The following RERE variants were observed in gnomAD, a reference collection of about 807,000 sequenced individuals.
RERE encodes arginine-glutamic acid dipeptide repeats protein.
RERE carries 40 observed loss-of-function variants against 146.1 expected under a neutral mutation model. The ratio of observed to expected loss-of-function variants is 0.27; its 90% confidence interval spans 0.21 to 0.36. The LOEUF (loss-of-function observed/expected upper bound fraction) is 0.36. Ranked by LOEUF, RERE falls within the 10% of genes least tolerant of loss-of-function variation. RERE has a pLI of 1.00. For synonymous variants in RERE, 1,003 were observed against 866.0 expected, an observed-to-expected ratio of 1.16 and a Z score of -2.78; for missense variants, 1,933 against 2,138.7, an observed-to-expected ratio of 0.90 and a Z score of 1.90.
intron 8 of RERE, among the ~76,000 whole-genome samples, chr1:8,502,588 G>A (rs1304028536): frequency 6.7e-6 from 1 of 148,620 alleles, no homozygotes; most frequent in Non-Finnish European, 1.5e-5. Flanking sequence ...TGGGAGGTGT[G>A]CCCAGCGGCT....
At chr1:8,728,188 A>G (rs924611652) in intron 1 of RERE, among the ~76,000 whole-genome samples, 8 of 152,262 alleles carry the variant, frequency 5.3e-5, no homozygotes, top group African/African-American at 1.4e-4. Context: ...TGCAAAGCAC[A>G]AACACCAGTA....
chr1:8,370,169 CCCCA>C (rs966343076), intron 12 of RERE, among the ~76,000 whole-genome samples: 16 of 151,990 alleles, frequency 1.1e-4, no homozygotes, highest in Admixed American at 1.3e-4. Context: ...ATAATGGTAT[CCCCA>C]CATTCACTGG....
At chr1:8,409,999 T>TA (rs1491331068) in intron 12 of RERE, among the ~76,000 whole-genome samples, 2 of 116,684 alleles carry the variant, frequency 1.7e-5, no homozygotes, top group Non-Finnish European at 3.6e-5. Flanking sequence ...TTTTTTTTTT[T>TA]ACTAAATCCG....
At chr1:8,496,725 G>A (rs763355911) in intron 9 of RERE, among the ~76,000 whole-genome samples, 58 of 152,092 alleles carry the variant, frequency 3.8e-4, no homozygotes, top group Non-Finnish European at 6.2e-4. Flanking sequence ...TCTCTGCATC[G>A]AAGGCATTTG....
At chr1:8,743,123 C>T (rs1640344518) in intron 1 of RERE, among the ~76,000 whole-genome samples, 1 of 151,912 alleles carries the variant, frequency 6.6e-6, no homozygotes. Flanking sequence ...GAGCTGGGCA[C>T]AGTGGCTCAC....
At chr1:8,590,297 C>G (rs1025049559) in intron 4 of RERE, among the ~76,000 whole-genome samples, 1 of 152,022 alleles carries the variant, frequency 6.6e-6, no homozygotes, top group Non-Finnish European at 1.5e-5. Context: ...AGGTGCCATT[C>G]GAACACCTGA....
intron 1 of RERE, among the ~76,000 whole-genome samples, chr1:8,667,079 G>A (rs907061310): frequency 6.6e-6 from 1 of 152,178 alleles, no homozygotes; most frequent in East Asian, 1.9e-4. Context: ...AATGCTGATA[G>A]TAGCACTTCC....
Position 8,664,400 on chromosome 1 carries a change from G to A in RERE, c.-144-7959C>T, listed in dbSNP as rs530496509. On this transcript the variant is annotated intron_variant, in intron 1 of 22. Transcript: ENST00000400908. Reference sequence around the variant, plus strand: ...ACCTGGCCAATCTCATATATAATGCGTTCATCACCAATCAGATACCAGGAC... The same window carrying A: ...ACCTGGCCAATCTCATATATAATGCATTCATCACCAATCAGATACCAGGAC... Among the ~76,000 whole-genome samples, 141 of 152,070 alleles carry A rather than the reference G, an allele frequency of 9.3e-4. 1 individual carries two copies. The highest frequency in any genetic ancestry group is 1.9e-3 in the Admixed American group (29 of 15,274).
chr1:8,795,089 G>A (rs1641442536), intron 1 of RERE, among the ~76,000 whole-genome samples: 1 of 152,190 alleles, frequency 6.6e-6, no homozygotes, highest in African/African-American at 2.4e-5. Flanking sequence ...GTGCAGTGGT[G>A]CAATCTTGGC....
intron 1 of RERE, among the ~76,000 whole-genome samples, chr1:8,687,553 T>C (rs1639118012): frequency 6.6e-6 from 1 of 152,220 alleles, no homozygotes; most frequent in African/African-American, 2.4e-5. Flanking sequence ...TGACTCTGAC[T>C]TTCTACTATA....
chr1:8,601,727 T>C (rs1201394470), intron 4 of RERE, among the ~76,000 whole-genome samples: 1 of 118,736 alleles, frequency 8.4e-6, no homozygotes, highest in Admixed American at 9.4e-5. Context: ...TGCCATCATG[T>C]CCAAGGTCAA....
At chr1:8,462,499 T>G (rs1644539841) in intron 11 of RERE, among the ~76,000 whole-genome samples, 1 of 152,232 alleles carries the variant, frequency 6.6e-6, no homozygotes, top group Non-Finnish European at 1.5e-5. Flanking sequence ...GGGTCTGCAC[T>G]GGCATGAGAG....
At chr1:8,540,207 T>G (rs1292200593) in intron 7 of RERE, among the ~76,000 whole-genome samples, 1 of 152,178 alleles carries the variant, frequency 6.6e-6, no homozygotes, top group East Asian at 1.9e-4. Flanking sequence ...GCAATCCTCC[T>G]GCCTCAGCTT....
chr1:8,427,898 C>T (rs759345461), intron 11 of RERE, among the ~76,000 whole-genome samples: 1 of 152,140 alleles, frequency 6.6e-6, no homozygotes, highest in Admixed American at 6.5e-5. Flanking sequence ...ATAAATTCAT[C>T]GCTCTTCAAA....
At chr1:8,611,997 T>C (rs1646799012) in intron 4 of RERE, among the ~76,000 whole-genome samples, 1 of 152,204 alleles carries the variant, frequency 6.6e-6, no homozygotes, top group Non-Finnish European at 1.5e-5. Flanking sequence ...CAAGTAAAAA[T>C]GTTGCCTCTC....
At chr1:8,613,135 A>T (rs1646811910) in intron 4 of RERE, among the ~76,000 whole-genome samples, 1 of 152,172 alleles carries the variant, frequency 6.6e-6, no homozygotes, top group Non-Finnish European at 1.5e-5. Context: ...AATTTTCACC[A>T]TCTTTCCCCG....
intron 4 of RERE, among the ~76,000 whole-genome samples, chr1:8,586,716 A>C (rs937996469): frequency 4.6e-5 from 7 of 152,356 alleles, no homozygotes; most frequent in African/African-American, 1.7e-4. Context: ...CAATGCTCAC[A>C]AACTTAAACA....
chr1:8,690,479 T>C (rs1270282935), intron 1 of RERE, among the ~76,000 whole-genome samples: 2 of 152,248 alleles, frequency 1.3e-5, no homozygotes, highest in Non-Finnish European at 2.9e-5. Context: ...ATTTCTTTAC[T>C]GATTGTCTCT....
intron 12 of RERE, among the ~76,000 whole-genome samples, chr1:8,396,855 ATCATGCTTT>A: frequency 6.6e-6 from 1 of 152,250 alleles, no homozygotes; most frequent in East Asian, 1.9e-4. Context: ...TTTGTGATAT[ATCATGCTTT>A]CTCCACAGTA....
Sources: gnomAD v4.1 joint callset for allele counts (sites outside exome capture counted in the v4.1 genomes callset) on GRCh38, gnomAD v4.1.1 for gene constraint, MANE v1.5 for transcripts, NCBI Gene and HGNC (gene_info 2026-07-23, HGNC 2026-07-21) for gene names.